ERLEC1: variants seen among roughly 807,000 people sequenced by gnomAD.
The protein encoded by ERLEC1 is endoplasmic reticulum lectin 1, also known as ER lectin.
A neutral mutation model predicts 68.0 loss-of-function variants in ERLEC1; 47 were observed. That is an observed-to-expected ratio of 0.69 (90% CI 0.55 to 0.88). The LOEUF is 0.88. Among genes scored for constraint, ERLEC1 ranks in the 40% least tolerant of loss-of-function variants. The probability of loss-of-function intolerance (pLI) is 0.00; values close to 1 mark genes in which losing one functional copy is unlikely to be tolerated. For missense variants in ERLEC1, 567 were observed against 583.8 expected (o/e 0.97, Z 0.30); for synonymous variants, 225 against 203.2 (o/e 1.11, Z -0.91).
In ERLEC1 at chr2:53,807,855, A is replaced by T. The variant is rs552518824; in HGVS notation, c.880-444A>T. On this transcript the variant is annotated intron_variant, in intron 8 of 13. Coordinates refer to ENST00000185150, the MANE Select transcript of ERLEC1 (RefSeq NM_015701.5). ...CCCATCTGTACTGAAAACAACAACAACAACAACAACAACAACAAAAAATGC... is the reference window on the plus strand; with the variant it reads ...CCCATCTGTACTGAAAACAACAACATCAACAACAACAACAACAAAAAATGC... 2.0e-5 allele frequency among the ~76,000 whole-genome samples: 3 copies of T among 151,682 alleles called. No homozygotes were observed. In the South Asian group the frequency reaches 6.2e-4, roughly 32 times the overall value.
chr2:53,795,924 C>G lies in ERLEC1; in HGVS notation c.268-9C>G, dbSNP rs760952209. The G allele has an allele frequency of 6.3e-7, 1 of 1,575,250 alleles. No individual in the cohort carries two copies. The highest frequency in any genetic ancestry group is 1.7e-4 in the Middle Eastern group (1 of 5,982). On this transcript the variant is annotated splice_polypyrimidine_tract_variant and intron_variant, in intron 2 of 13. Transcript: ENST00000185150. ...AAACTGTAAGTATTAAACTCCAATT[C>G]TTTCTTAGGAAGAAGAAAAGGATTA...
rs551834970 is a variant in ERLEC1 at position 53,815,182 on chromosome 2, T to G, written c.1380+247T>G. 4.2e-4 allele frequency among the ~76,000 whole-genome samples: 64 copies of G among 151,936 alleles called. 3 individuals are homozygous for G. In the South Asian group the frequency reaches 0.012, roughly 30 times the overall value. The stretch of plus-strand genomic sequence containing the variant: ...CACCACACCCAGCTAATTTTTGTAT[T>G]TTTAGTAGAGACGGGGTTCCACCAT... On this transcript the variant is annotated intron_variant, in intron 13 of 13. Transcript: ENST00000185150.
At chr2:53,811,434 C>T (rs114563306) in intron 10 of ERLEC1, among the ~76,000 whole-genome samples, 2,308 of 152,292 alleles carry the variant, frequency 0.015, 42 homozygotes, top group Non-Finnish European at 0.018. Flanking sequence ...ACAGTGGCTA[C>T]ATTCCTATAC....
At chr2:53,795,684 A>G (rs1488941168) in intron 2 of ERLEC1, among the ~76,000 whole-genome samples, 5 of 152,250 alleles carry the variant, frequency 3.3e-5, no homozygotes, top group African/African-American at 1.2e-4. Context: ...GTGAAAAGCA[A>G]AAATACATTT....
chr2:53,789,835 A>G (rs1386853145), intron 1 of ERLEC1, among the ~76,000 whole-genome samples: 1 of 152,000 alleles, frequency 6.6e-6, no homozygotes, highest in Non-Finnish European at 1.5e-5. Flanking sequence ...CCTAGGCAAC[A>G]TGGCGAAACC....
chr2:53,813,112 A>G (rs917072871), intron 11 of ERLEC1, 39 bp downstream of exon 11: 7 of 1,582,658 alleles, frequency 4.4e-6, no homozygotes, highest in African/African-American at 1.4e-5. Context: ...GCTAATTACT[A>G]CAATTTCTAA....
intron 9 of ERLEC1, 92 bp from the exon 10 acceptor site, chr2:53,809,122 T>A: frequency 4.5e-6 from 4 of 880,462 alleles, no homozygotes; most frequent in Non-Finnish European, 7.1e-6. Context: ...TTACAGGTTT[T>A]AAAAATAACA....
At chr2:53,817,073 A>T (rs1277877647) in intron 13 of ERLEC1, among the ~76,000 whole-genome samples, 3 of 151,296 alleles carry the variant, frequency 2.0e-5, no homozygotes, top group Non-Finnish European at 3.0e-5. Flanking sequence ...TTTATCACTG[A>T]TGTATTTTTT....
intron 8 of ERLEC1, among the ~76,000 whole-genome samples, chr2:53,807,776 G>A (rs1305778502): frequency 6.6e-6 from 1 of 152,064 alleles, no homozygotes; most frequent in Non-Finnish European, 1.5e-5. Flanking sequence ...GGAGTCCGAG[G>A]TGGGTAGATT....
intron 13 of ERLEC1, 74 bp from the exon 14 acceptor site, chr2:53,817,824 T>G (rs1676982036): frequency 4.9e-6 from 4 of 809,218 alleles, no homozygotes; most frequent in South Asian, 1.4e-5. Context: ...TAACTACATG[T>G]ATCCATTCAG....
At chr2:53,809,855 AGAC>A (rs1479374973) in intron 10 of ERLEC1, among the ~76,000 whole-genome samples, 4 of 152,166 alleles carry the variant, frequency 2.6e-5, no homozygotes, top group Non-Finnish European at 5.9e-5. Flanking sequence ...CAGGAGTTCG[AGAC>A]CAGCCTGGCC....
intron 9 of ERLEC1, 141 bp from the exon 10 acceptor site, chr2:53,809,073 A>G: frequency 1.6e-6 from 1 of 635,230 alleles, no homozygotes; most frequent in East Asian, 3.2e-5. Flanking sequence ...TTAATTTCTC[A>G]GTAATGTTTT....
At chr2:53,801,928 T>A in intron 8 of ERLEC1, 86 bp downstream of exon 8, 1 of 1,120,144 alleles carries the variant, frequency 8.9e-7, no homozygotes, top group Non-Finnish European at 1.3e-6. Flanking sequence ...ATTTCTGTAG[T>A]ATAATGGTAG....
intron 11 of ERLEC1, among the ~76,000 whole-genome samples, chr2:53,813,768 A>C (rs370485902): frequency 2.0e-5 from 3 of 152,226 alleles, no homozygotes; most frequent in South Asian, 4.1e-4. Flanking sequence ...TAAAAGTCAA[A>C]GTCAGCCAAA....
At position 53,795,984 on chromosome 2, in the gene ERLEC1, C is replaced by T. The variant is rs1675674495; in HGVS notation, c.319C>T (p.Leu107=). The T allele has an allele frequency of 6.2e-7, 1 of 1,603,556 alleles. No homozygotes were observed. Among genetic ancestry groups the T allele is most frequent in the Non-Finnish European group, 8.5e-7 (1 of 1,176,382 alleles). The change falls in exon 3 of 14, where the codon CTA becomes TTA. Residue 107 remains leucine, a synonymous_variant. Transcript: ENST00000185150. ...GPNPRELLEP[L]FKQSSCSYRI... ...TAATCCAAGAGAGCTTTTGGAGCCA[C>T]TATTTAAACAAAGCAGTTGTTCCTA...
At chr2:53,787,410 C>A in intron 1 of ERLEC1, 38 bp downstream of exon 1, 1 of 1,584,624 alleles carries the variant, frequency 6.3e-7, no homozygotes, top group Non-Finnish European at 8.6e-7. Flanking sequence ...ACCCCTCCTC[C>A]TGACACTAAG....
At chr2:53,802,673 G>T (rs1007182799) in intron 8 of ERLEC1, among the ~76,000 whole-genome samples, 2 of 152,244 alleles carry the variant, frequency 1.3e-5, no homozygotes, top group East Asian at 3.9e-4. Context: ...CCCCTTTGTG[G>T]TCTGATTTCA....
At chr2:53,807,844 AAACAAC>A (rs113620205) in intron 8 of ERLEC1, among the ~76,000 whole-genome samples, 16 of 150,626 alleles carry the variant, frequency 1.1e-4, no homozygotes, top group South Asian at 2.1e-4. Context: ...TCTGTACTGA[AAACAAC>A]AACAACAACA....
At chr2:53,789,393 CAAAA>C (rs1160757930) in intron 1 of ERLEC1, among the ~76,000 whole-genome samples, 5 of 79,742 alleles carry the variant, frequency 6.3e-5, no homozygotes, top group Non-Finnish European at 9.8e-5. Context: ...GACTCTGTCT[CAAAA>C]AAAAAAAAAA....
Sources: gnomAD v4.1 joint callset for allele counts (sites outside exome capture counted in the v4.1 genomes callset) on GRCh38, gnomAD v4.1.1 for gene constraint, MANE v1.5 for transcripts, NCBI Gene and HGNC (gene_info 2026-07-23, HGNC 2026-07-21) for gene names.